The following DAB1 variants were observed in gnomAD, a reference collection of about 807,000 sequenced individuals.
DAB1 encodes disabled homolog 1.
In DAB1, 15 loss-of-function variants were observed where a neutral mutation model predicts 64.6. That is an observed-to-expected ratio of 0.23 (90% confidence interval 0.16 to 0.36). The LOEUF (loss-of-function observed/expected upper bound fraction) is 0.36. DAB1 is among the 10% of genes least tolerant of loss of function. The pLI, the probability that DAB1 is intolerant of heterozygous loss-of-function variation, is 1.00. For synonymous variants in DAB1, 235 were observed against 251.9 expected (o/e 0.93, Z 0.64); for missense variants, 596 against 706.7 (o/e 0.84, Z 1.78).
intron 7 of DAB1, among the ~76,000 whole-genome samples, chr1:57,511,874 C>G (rs1351249294): frequency 6.6e-6 from 1 of 152,184 alleles, no homozygotes; most frequent in Non-Finnish European, 1.5e-5. Flanking sequence ...CCGTGAGTTG[C>G]TATACCCCAG....
chr1:58,010,714 T>C (rs1646655509), intron 5 of DAB1, among the ~76,000 whole-genome samples: 1 of 152,232 alleles, frequency 6.6e-6, no homozygotes, highest in South Asian at 2.1e-4. Flanking sequence ...TGTTCCATTT[T>C]GTACTAGTCC....
chr1:57,354,321 A>T (rs533197027), intron 1 of DAB1, among the ~76,000 whole-genome samples: 68 of 152,268 alleles, frequency 4.5e-4, no homozygotes, highest in African/African-American at 1.6e-3. Context: ...TTCCAAGATA[A>T]AAATCAATCA....
At chr1:58,254,921 TG>T (rs1439573313) in intron 4 of DAB1, among the ~76,000 whole-genome samples, 732 of 61,476 alleles carry the variant, frequency 0.012, 2 homozygotes, top group Non-Finnish European at 0.014. Flanking sequence ...TACCCAGTAA[TG>T]GGATGGCTGG....
intron 9 of DAB1, among the ~76,000 whole-genome samples, chr1:57,044,589 T>C (rs1042990586): frequency 2.0e-5 from 3 of 152,228 alleles, no homozygotes; most frequent in Non-Finnish European, 4.4e-5. Context: ...AGCTAGGGAA[T>C]GAAGAAGGCA....
chr1:58,440,568 T>C (rs1348268821), intron 3 of DAB1, among the ~76,000 whole-genome samples: 3 of 152,342 alleles, frequency 2.0e-5, no homozygotes, highest in Admixed American at 2.0e-4. Flanking sequence ...TTAACCTCTC[T>C]GAGCTTGGAT....
At chr1:58,117,613 G>A (rs551852330) in intron 5 of DAB1, among the ~76,000 whole-genome samples, 27 of 152,182 alleles carry the variant, frequency 1.8e-4, no homozygotes, top group African/African-American at 4.8e-4. Flanking sequence ...TGTTTCTACC[G>A]CTGTCACACA....
At chr1:58,079,693 G>C (rs959328471) in intron 5 of DAB1, among the ~76,000 whole-genome samples, 3 of 151,554 alleles carry the variant, frequency 2.0e-5, no homozygotes, top group Admixed American at 2.0e-4. Context: ...GCTAATTTTT[G>C]TATTTTTAGT....
intron 1 of DAB1, among the ~76,000 whole-genome samples, chr1:57,845,205 G>A (rs1653226996): frequency 6.6e-6 from 1 of 152,184 alleles, no homozygotes. Context: ...GGGAGGAAGT[G>A]TCCCTGTGAT....
chr1:58,377,549 G>A (rs1569704479), intron 3 of DAB1, among the ~76,000 whole-genome samples: 1 of 138,344 alleles, frequency 7.2e-6, no homozygotes, highest in African/African-American at 2.7e-5. Flanking sequence ...CAAGAGATCT[G>A]CTGTTAGTCT....
At chr1:58,047,894 C>T (rs1358273486) in intron 5 of DAB1, 1 of 355,330 alleles carries the variant, frequency 2.8e-6, no homozygotes, top group African/African-American at 2.1e-5. Flanking sequence ...ATTTAGCAAT[C>T]AACAGCATGG....
intron 14 of DAB1, among the ~76,000 whole-genome samples, chr1:56,998,799 G>A (rs919517014): frequency 6.6e-6 from 1 of 152,132 alleles, no homozygotes; most frequent in Non-Finnish European, 1.5e-5. Flanking sequence ...CACCCAGGGG[G>A]CTGTCCTGAA....
upstream of DAB1, among the ~76,000 whole-genome samples, chr1:57,884,615 C>T (rs191145028): frequency 6.6e-5 from 10 of 152,168 alleles, no homozygotes; most frequent in African/African-American, 1.7e-4. Flanking sequence ...TAACCATTCA[C>T]AAAGTTTGTA....
At chr1:58,231,831 T>A (rs888198825) in intron 4 of DAB1, among the ~76,000 whole-genome samples, 2 of 152,238 alleles carry the variant, frequency 1.3e-5, no homozygotes, top group African/African-American at 4.8e-5. Context: ...TTTAATTATG[T>A]ACTAGCTGCA....
At chr1:57,705,586 T>A (rs557067356) in intron 6 of DAB1, among the ~76,000 whole-genome samples, 1 of 152,266 alleles carries the variant, frequency 6.6e-6, no homozygotes, top group South Asian at 2.1e-4. Context: ...TAAGAATATT[T>A]GACTTAAAAT....
At chr1:58,332,902 TTTTA>T (rs35503929) in intron 4 of DAB1, among the ~76,000 whole-genome samples, 3 of 151,164 alleles carry the variant, frequency 2.0e-5, no homozygotes, top group East Asian at 2.0e-4. Flanking sequence ...CCTTTTAAAA[TTTTA>T]TTTATTTATT....
intron 4 of DAB1, among the ~76,000 whole-genome samples, chr1:58,266,352 T>C (rs1661162840): frequency 6.6e-6 from 1 of 152,128 alleles, no homozygotes; most frequent in Non-Finnish European, 1.5e-5. Context: ...GGAAGACAGC[T>C]GGAGGGAACA....
Position 57,725,585 on chromosome 1 carries a change from A to C in DAB1, n.552-75920T>G, listed in dbSNP as rs541257362. Among the ~76,000 whole-genome samples the C allele has an allele frequency of 2.0e-5, 3 of 152,310 alleles. No individual in the cohort carries two copies. In the South Asian group the frequency reaches 6.2e-4, roughly 32 times the overall value. Reference sequence around the variant, plus strand: ...TCTTTGTGGGGATCTGACAGCTGACACTACTTCACAGACTACTTGGGAACA... The same window carrying C: ...TCTTTGTGGGGATCTGACAGCTGACCCTACTTCACAGACTACTTGGGAACA... On this transcript the variant is annotated intron_variant and non_coding_transcript_variant, in intron 6 of 20. Coordinates refer to the DAB1 transcript ENST00000485760.
intron 2 of DAB1, among the ~76,000 whole-genome samples, chr1:57,282,426 G>A (rs1671989384): frequency 6.6e-6 from 1 of 152,096 alleles, no homozygotes; most frequent in Non-Finnish European, 1.5e-5. Flanking sequence ...GTCCTGTGGT[G>A]TATGCTGCCA....
chr1:57,136,488 G>C lies in DAB1; in HGVS notation c.306+55C>G, dbSNP rs75660733. ...CTGCCCAGAGAGTAGAGGCTTTTAA[G>C]GGTACATCTGTCAATGGATAAAATT... On this transcript the variant is annotated intron_variant, in intron 4 of 14. Transcript: ENST00000371236. 3.2e-3 allele frequency: 3,328 copies of C among 1,025,606 alleles called. 55 individuals carry two copies. In the African/African-American group the frequency reaches 0.044, roughly 14 times the overall value. 63.5% of individuals were successfully genotyped at this position (1,025,606 alleles called of 1,614,324 possible).
Sources: gnomAD v4.1 joint callset for allele counts (sites outside exome capture counted in the v4.1 genomes callset) on GRCh38, gnomAD v4.1.1 for gene constraint, MANE v1.5 for transcripts, NCBI Gene and HGNC (gene_info 2026-07-23, HGNC 2026-07-21) for gene names.